GPR63: variants seen among roughly 807,000 people sequenced by gnomAD.
The protein encoded by GPR63 is G protein-coupled receptor 63, also known as probable G protein-coupled receptor 63.
A neutral mutation model predicts 23.1 loss-of-function variants in GPR63; 12 were observed. The ratio of observed to expected loss-of-function variants is 0.52; its 90% CI spans 0.33 to 0.84. The LOEUF is 0.84. Among genes scored for constraint, GPR63 ranks in the 40% least tolerant of loss-of-function variants. The pLI, the probability that GPR63 is intolerant of heterozygous loss-of-function variation, is 0.02. For missense variants in GPR63, 472 were observed against 515.6 expected (o/e 0.92, Z 0.82); for synonymous variants, 172 against 191.1 (o/e 0.90, Z 0.82).
At chr6:96,820,614 C>A (rs961439227) in intron 1 of GPR63, among the ~76,000 whole-genome samples, 14 of 151,994 alleles carry the variant, frequency 9.2e-5, no homozygotes, top group Admixed American at 2.6e-4. Flanking sequence ...TTAAAAAAAG[C>A]AAAATGAGCC....
At chr6:96,822,804 G>A (rs1187449043) in intron 1 of GPR63, among the ~76,000 whole-genome samples, 1 of 152,194 alleles carries the variant, frequency 6.6e-6, no homozygotes, top group Admixed American at 6.5e-5. Flanking sequence ...CATGATGTAT[G>A]TTCTGTGAAG....
chr6:96,800,785 A>G (rs1442795924), intron 1 of GPR63, among the ~76,000 whole-genome samples: 2 of 152,186 alleles, frequency 1.3e-5, no homozygotes, highest in Non-Finnish European at 2.9e-5. Context: ...TGTGTTAGCA[A>G]CTTGATCAGA....
In GPR63 at chr6:96,798,690, T is replaced by C. The variant is rs775967111; in HGVS notation, c.1042A>G (p.Asn348Asp). 1 of 1,614,064 alleles carries C rather than the reference T, an allele frequency of 6.2e-7. No homozygotes were observed. The highest frequency in any genetic ancestry group is 8.5e-7 in the Non-Finnish European group (1 of 1,180,036). ...AGCCAGGTGCTAATCTCAAAAAAGT[T>C]GTGCTGATAGTAAAAGTGCTTACTG... ...TFSKHFYYQH[N>D]FFEISTWLLW... is the part of the protein sequence containing the mutation. Residue 348 changes from asparagine (N) to aspartate (D), a missense_variant, in exon 2 of 2, where the codon AAC becomes GAC. Physicochemically the swap from Asn to Asp is conservative, Grantham distance 23 (BLOSUM62 1). Transcript: ENST00000229955.
At chr6:96,818,188 G>T (rs951068213) in intron 1 of GPR63, among the ~76,000 whole-genome samples, 1 of 152,112 alleles carries the variant, frequency 6.6e-6, no homozygotes, top group East Asian at 1.9e-4. Context: ...ATGGCCAGGC[G>T]TGGTGGCTCA....
chr6:96,828,880 A>G (rs1774509483), intron 1 of GPR63, among the ~76,000 whole-genome samples: 2 of 152,294 alleles, frequency 1.3e-5, no homozygotes, highest in Admixed American at 1.3e-4. Flanking sequence ...ATCAAAGAAA[A>G]AGAGACTTTA....
intron 1 of GPR63, among the ~76,000 whole-genome samples, chr6:96,816,063 AATATAATATC>A (rs1774155578): frequency 6.6e-6 from 1 of 152,208 alleles, no homozygotes; most frequent in Non-Finnish European, 1.5e-5. Context: ...CTGGTCTATT[AATATAATATC>A]TTCAAATGCA....
chr6:96,826,874 C>A (rs1248577675), intron 1 of GPR63, among the ~76,000 whole-genome samples: 2 of 151,928 alleles, frequency 1.3e-5, no homozygotes, highest in Admixed American at 6.6e-5. Context: ...CCACAAGGTA[C>A]ATTTTAAGAA....
At chr6:96,804,916 T>C (rs1250485748) in intron 1 of GPR63, among the ~76,000 whole-genome samples, 6 of 152,192 alleles carry the variant, frequency 3.9e-5, no homozygotes, top group Non-Finnish European at 7.3e-5. Context: ...TTTTCCGTTC[T>C]TGTTTAACTT....
At chr6:96,804,436 C>T (rs375543629) in intron 1 of GPR63, among the ~76,000 whole-genome samples, 18 of 152,278 alleles carry the variant, frequency 1.2e-4, no homozygotes, top group Non-Finnish European at 2.2e-4. Context: ...TTGTTCCCTA[C>T]GACCACTATG....
At chr6:96,817,485 C>G (rs928123366) in intron 1 of GPR63, among the ~76,000 whole-genome samples, 2 of 152,048 alleles carry the variant, frequency 1.3e-5, no homozygotes, top group African/African-American at 4.8e-5. Context: ...TGCTCTGTTA[C>G]CCAGTAATCC....
chr6:96,818,029 C>T (rs1774207816), intron 1 of GPR63, among the ~76,000 whole-genome samples: 1 of 151,596 alleles, frequency 6.6e-6, no homozygotes, highest in Non-Finnish European at 1.5e-5. Flanking sequence ...TTTTATACTA[C>T]CCAAAGCAAT....
At chr6:96,807,970 G>T (rs1294504593) in intron 1 of GPR63, among the ~76,000 whole-genome samples, 2 of 152,158 alleles carry the variant, frequency 1.3e-5, no homozygotes, top group Non-Finnish European at 2.9e-5. Flanking sequence ...GCAAAGCTGG[G>T]AGTTAAACCC....
chr6:96,819,241 T>C (rs1774237537), intron 1 of GPR63, among the ~76,000 whole-genome samples: 1 of 152,144 alleles, frequency 6.6e-6, no homozygotes, highest in Non-Finnish European at 1.5e-5. Flanking sequence ...GCAGCACTAT[T>C]TACAATAGCA....
At chr6:96,799,932 A>G in intron 1 of GPR63, 51 bp from the exon 2 acceptor site, 1 of 608,676 alleles carries the variant, frequency 1.6e-6, no homozygotes, top group Non-Finnish European at 3.0e-6. Flanking sequence ...AGATTTGCAA[A>G]TAACATTTAA....
chr6:96,815,008 C>T (rs1161590853), intron 1 of GPR63, among the ~76,000 whole-genome samples: 1 of 152,092 alleles, frequency 6.6e-6, no homozygotes, highest in Non-Finnish European at 1.5e-5. Flanking sequence ...GAAATCCAAA[C>T]ACTATGGATA....
chr6:96,819,882 G>A (rs545486659), intron 1 of GPR63, among the ~76,000 whole-genome samples: 186 of 150,432 alleles, frequency 1.2e-3, no homozygotes, highest in Middle Eastern at 3.5e-3. Context: ...AGGCTGAGGC[G>A]GGAGAATGGC....
In GPR63 at chr6:96,825,457, G is replaced by A. The variant is rs535016330; in HGVS notation, c.-151+11811C>T. 2.6e-5 allele frequency among the ~76,000 whole-genome samples: 4 copies of A among 152,108 alleles called. No individual in the cohort carries two copies. The South Asian group carries it at 8.3e-4, about 32-fold the overall frequency. ...AAACTGAATGGATTCTTTATAAAAT[G>A]TGGCTTTTGATATGGAGTGTCTTCT... On this transcript the variant is annotated intron_variant, in intron 1 of 1. Coordinates refer to ENST00000229955, the MANE Select transcript of GPR63 (RefSeq NM_030784.4).
intron 1 of GPR63, among the ~76,000 whole-genome samples, chr6:96,804,189 G>A (rs775553107): frequency 6.6e-6 from 1 of 152,120 alleles, no homozygotes; most frequent in Non-Finnish European, 1.5e-5. Flanking sequence ...AGTAGCGGTT[G>A]TAGTATTCTC....
At chr6:96,815,475 T>A (rs1019755413) in intron 1 of GPR63, among the ~76,000 whole-genome samples, 17 of 152,202 alleles carry the variant, frequency 1.1e-4, no homozygotes, top group African/African-American at 4.1e-4. Context: ...TTATGCAGGA[T>A]GAATAAGTTC....
Sources: gnomAD v4.1 joint callset for allele counts (sites outside exome capture counted in the v4.1 genomes callset) on GRCh38, gnomAD v4.1.1 for gene constraint, MANE v1.5 for transcripts, NCBI Gene and HGNC (gene_info 2026-07-23, HGNC 2026-07-21) for gene names.